CNTD1: variants seen among roughly 807,000 people sequenced by gnomAD.
The protein encoded by CNTD1 is cyclin N-terminal domain containing 1.
A neutral mutation model predicts 36.3 loss-of-function variants in CNTD1; 17 were observed. That is an observed-to-expected ratio of 0.47 (90% CI 0.32 to 0.70). The LOEUF is 0.70. Ranked by LOEUF, CNTD1 falls within the 30% of genes least tolerant of loss-of-function variation. The pLI is 0.03. For synonymous variants in CNTD1, 128 were observed against 153.3 expected (o/e 0.83, Z 1.22); for missense variants, 338 against 386.1 (o/e 0.88, Z 1.04).
chr17:42,804,140 C>G, intron 2 of CNTD1, 85 bp from the exon 3 acceptor site: 1 of 1,315,498 alleles, frequency 7.6e-7, no homozygotes, highest in Non-Finnish European at 1.1e-6. Context: ...TGCTCAGCCT[C>G]AAATGTAAAT....
At chr17:42,804,138 C>T in intron 2 of CNTD1, 87 bp from the exon 3 acceptor site, 1 of 1,297,956 alleles carries the variant, frequency 7.7e-7, no homozygotes. Flanking sequence ...CATGCTCAGC[C>T]TCAAATGTAA....
chr17:42,801,510 A>AAAATATATATATAT (rs1289580717), intron 1 of CNTD1, among the ~76,000 whole-genome samples: 10 of 54,340 alleles, frequency 1.8e-4, no homozygotes, highest in African/African-American at 2.1e-4. Context: ...AAAAAAAAAA[A>AAAATATATATATAT]ATATATATAT....
At position 42,811,520 on chromosome 17, in the gene CNTD1, C is replaced by T. The variant is rs1393631559; in HGVS notation, c.*1985C>T. 8.7e-7 allele frequency: 1 copy of T among 1,146,516 alleles called. No individual in the cohort carries two copies. The highest frequency in any genetic ancestry group is 1.6e-5 in the African/African-American group (1 of 64,184). 71.0% of individuals were successfully genotyped at this position (1,146,516 alleles called of 1,614,324 possible). On this transcript the variant is annotated 3_prime_UTR_variant, in exon 7 of 7. Coordinates refer to ENST00000588408, the MANE Select transcript of CNTD1 (RefSeq NM_173478.3). ...TTGCAGTACTGGGTCAGTCTCTGCCCATCAATGTCATGTGATTCTGTGCCA... is the reference window on the plus strand; with the variant it reads ...TTGCAGTACTGGGTCAGTCTCTGCCTATCAATGTCATGTGATTCTGTGCCA...
rs1418160064 is a variant in CNTD1, at chr17:42,809,980, GCTAT to G, written c.*450_*453del. ...CTACACAAACAAGGCTTCCTCAACA[GCTAT>G]CTATTTTTACTAGAGTCTTTTTTTA... On this transcript the variant is annotated 3_prime_UTR_variant, in exon 7 of 7. Transcript: ENST00000588408. 9 of 152,442 alleles carry G rather than the reference GCTAT, an allele frequency of 5.9e-5. No homozygotes were observed. The highest frequency in any genetic ancestry group is 4.1e-4 in the South Asian group (2 of 4,848). The allele number at this position is 152,442 out of a possible 1,614,324, so 9.4% of individuals were successfully genotyped here. A position where few individuals can be genotyped will look rare whatever the true frequency, so the allele number is the denominator to read the frequency against.
intron 1 of CNTD1, among the ~76,000 whole-genome samples, chr17:42,800,651 T>C (rs983372607): frequency 1.3e-5 from 2 of 152,024 alleles, no homozygotes; most frequent in African/African-American, 4.8e-5. Context: ...TTGGCAGTGA[T>C]GTAAAGGAGG....
At chr17:42,802,073 C>T (rs1422655432) in intron 1 of CNTD1, among the ~76,000 whole-genome samples, 1 of 152,038 alleles carries the variant, frequency 6.6e-6, no homozygotes. Flanking sequence ...AGGAAGTGAA[C>T]GATGAAGTGG....
At chr17:42,799,888 A>T (rs1431005658) in intron 1 of CNTD1, among the ~76,000 whole-genome samples, 1 of 150,704 alleles carries the variant, frequency 6.6e-6, no homozygotes, top group Non-Finnish European at 1.5e-5. Context: ...ACATGGTGAA[A>T]CCCCGTCTCT....
At chr17:42,807,936 G>A in intron 6 of CNTD1, 72 bp downstream of exon 6, 3 of 1,159,496 alleles carry the variant, frequency 2.6e-6, no homozygotes, top group Non-Finnish European at 3.9e-6. Flanking sequence ...ATCAGTTAAA[G>A]GAAAACAGAG....
chr17:42,801,552 A>ATGTG lies in CNTD1; in HGVS notation c.170-2040_170-2037dup, dbSNP rs144472008. Among the ~76,000 whole-genome samples the ATGTG allele has an allele frequency of 6.7e-3, 533 of 80,062 alleles. 15 individuals carry two copies. The highest frequency in any genetic ancestry group is 0.02 in the African/African-American group (466 of 23,010). The allele number at this position is 80,062 out of a possible 152,430, so 52.5% of individuals were successfully genotyped here. A position where few individuals can be genotyped will look rare whatever the true frequency, so the allele number is the denominator to read the frequency against. On this transcript the variant is annotated intron_variant, in intron 1 of 6. Coordinates refer to ENST00000588408, the MANE Select transcript of CNTD1 (RefSeq NM_173478.3). ...ATATATATATATATATATATAATAT[A>ATGTG]TGTGTGTGTGTGTGTGTGTGTGTGT... is the stretch of plus-strand genomic sequence containing the variant.
chr17:42,800,090 A>AAAAGG lies in CNTD1; in HGVS notation c.169+854_169+855insAAAGG, dbSNP rs58044350. ...TGTCTAAAAAAAAAAAAAAAAAAAA[A>AAAAGG]GAGAAAAGAAAGATGAAATAGAGAT... On this transcript the variant is annotated intron_variant, in intron 1 of 6. Transcript: ENST00000588408. Among the ~76,000 whole-genome samples the AAAAGG allele has an allele frequency of 9.5e-5, 14 of 146,954 alleles. 1 individual carries two copies. The highest frequency in any genetic ancestry group is 3.7e-4 in the African/African-American group (14 of 37,790).
intron 1 of CNTD1, 81 bp downstream of exon 1, chr17:42,799,317 G>A: frequency 7.0e-7 from 1 of 1,424,622 alleles, no homozygotes. Context: ...AGATTCCGTT[G>A]ATTTTATTCA....
chr17:42,809,049 C>T (rs1306420204), intron 6 of CNTD1, among the ~76,000 whole-genome samples: 2 of 152,190 alleles, frequency 1.3e-5, no homozygotes, highest in Admixed American at 1.3e-4. Context: ...CAGAGTGAGA[C>T]CCTGTTTCAA....
At chr17:42,807,429 GA>G (rs896358538) in intron 5 of CNTD1, among the ~76,000 whole-genome samples, 44 of 144,126 alleles carry the variant, frequency 3.1e-4, no homozygotes, top group African/African-American at 1.0e-3. Flanking sequence ...AAAGAAAAAA[GA>G]AAAAAAAAAC....
chr17:42,809,896 G>T lies in CNTD1; in HGVS notation c.*361G>T. ...CTGGGTGACCTTGACTAAGCATCAAGGAGGTAGCCTTTATTTCCCCTTAAA... is the reference window on the plus strand; with the variant it reads ...CTGGGTGACCTTGACTAAGCATCAATGAGGTAGCCTTTATTTCCCCTTAAA... On this transcript the variant is annotated 3_prime_UTR_variant, in exon 7 of 7. Transcript: ENST00000588408. 6.3e-6 allele frequency: 1 copy of T among 159,422 alleles called. No individual in the cohort carries two copies. The highest frequency in any genetic ancestry group is 1.9e-4 in the South Asian group (1 of 5,186). 9.9% of individuals were successfully genotyped at this position (159,422 alleles called of 1,614,324 possible).
rs750402772 is a variant in CNTD1, at chr17:42,809,462, C to T, written c.920C>T (p.Pro307Leu). The T allele has an allele frequency of 1.4e-5, 22 of 1,614,046 alleles. No individual in the cohort carries two copies. The highest frequency in any genetic ancestry group is 4.4e-5 in the South Asian group (4 of 91,078). Residue 307 changes from proline (P) to leucine (L), a missense_variant, in exon 7 of 7, where the codon CCG becomes CTG. Coordinates refer to ENST00000588408, the MANE Select transcript of CNTD1 (RefSeq NM_173478.3). The part of the protein sequence containing the change: ...ILTHGVGANT[P>L]GRQQSIPPHL... ...ACTCACGGAGTGGGAGCCAACACTC[C>T]GGGGAGACAGCAGTCTATTCCTCCC...
At chr17:42,803,759 TTAAGA>T (rs2054832736) in intron 2 of CNTD1, 64 bp downstream of exon 2, 1 of 1,288,266 alleles carries the variant, frequency 7.8e-7, no homozygotes, top group Admixed American at 1.9e-5. Context: ...ACCTACATCT[TTAAGA>T]AAGTATGAGT....
intron 1 of CNTD1, among the ~76,000 whole-genome samples, chr17:42,802,037 A>G (rs2054804112): frequency 6.6e-6 from 1 of 152,168 alleles, no homozygotes; most frequent in African/African-American, 2.4e-5. Context: ...AAGTTAGGAA[A>G]GGTAGAAGCC....
At chr17:42,808,275 G>A (rs1323022830) in intron 6 of CNTD1, among the ~76,000 whole-genome samples, 1 of 151,978 alleles carries the variant, frequency 6.6e-6, no homozygotes, top group Non-Finnish European at 1.5e-5. Context: ...ATGGCTGGGC[G>A]CAGTGGCTCA....
rs200907333 is a variant in CNTD1, at chr17:42,799,107, G to A, written c.40G>A (p.Asp14Asn). Residue 14 changes from aspartate (D) to asparagine (N), a missense_variant, in exon 1 of 7, where the codon GAC becomes AAC. Transcript: ENST00000588408. The stretch of plus-strand genomic sequence containing the variant: ...GAGGCCACGATCGGCCTCCCTCGTT[G>A]ACTTTCAGTTTGGAGTTGTCGCCAC... ...PMRPRSASLV[D>N]FQFGVVATET... 6.2e-7 allele frequency: 1 copy of A among 1,614,112 alleles called. No homozygotes were observed. The highest frequency in any genetic ancestry group is 2.2e-5 in the East Asian group (1 of 44,876).
Sources: allele counts gnomAD v4.1 joint callset (sites outside exome capture counted in the v4.1 genomes callset), GRCh38; gene constraint gnomAD v4.1.1; transcripts MANE v1.5; gene names NCBI Gene and HGNC (gene_info 2026-07-23, HGNC 2026-07-21).